The following UNC79 variants were observed in gnomAD, a reference collection of about 807,000 sequenced individuals.
The protein encoded by UNC79 is unc-79 subunit of NALCN channel complex.
In UNC79, 37 loss-of-function variants were observed where a neutral mutation model predicts 283.1. The observed-to-expected ratio is 0.13, with a 90% confidence interval of 0.10 to 0.17. The LOEUF (loss-of-function observed/expected upper bound fraction) is 0.17. UNC79 is among the 10% of genes least tolerant of loss of function. The pLI is 1.00. For missense variants in UNC79, 2,272 were observed against 3,211.1 expected, an observed-to-expected ratio of 0.71 and a Z score of 7.07; for synonymous variants, 1,107 against 1,200.2, an observed-to-expected ratio of 0.92 and a Z score of 1.61.
At chr14:93,477,622 G>A in exon 4 of UNC79, 1 of 1,611,956 alleles carries the variant, frequency 6.2e-7, no homozygotes, top group Non-Finnish European at 8.5e-7. Context: ...ATGATATTCT[G>A]AGTACTTTGC....
chr14:93,577,953 C>T (rs1029562562), exon 18 of UNC79: 1 of 1,614,164 alleles, frequency 6.2e-7, no homozygotes, highest in South Asian at 1.1e-5. Flanking sequence ...GTTTCGTAGC[C>T]CTTTCAAGAA....
chr14:93,667,883 A>G (rs1318206246), intron 40 of UNC79, among the ~76,000 whole-genome samples: 2 of 152,190 alleles, frequency 1.3e-5, no homozygotes, highest in East Asian at 1.9e-4. Flanking sequence ...TAATATCACC[A>G]TGTTATCAGA....
chr14:93,698,694 C>T (rs1319463588), intron 47 of UNC79, among the ~76,000 whole-genome samples: 1 of 151,912 alleles, frequency 6.6e-6, no homozygotes, highest in African/African-American at 2.4e-5. Context: ...CCGTGTTGGC[C>T]AGGCTGGTCT....
intron 25 of UNC79, 126 bp from the exon 26 acceptor site, chr14:93,603,113 A>G (rs1010396743): frequency 2.7e-6 from 3 of 1,103,708 alleles, no homozygotes. Context: ...TCATAGAGGG[A>G]GATGTATATC....
At chr14:93,684,882 C>T (rs1407858289) in intron 42 of UNC79, among the ~76,000 whole-genome samples, 1 of 152,106 alleles carries the variant, frequency 6.6e-6, no homozygotes, top group Non-Finnish European at 1.5e-5. Context: ...ACTTTTTAAT[C>T]GTTAGTTTTC....
At chr14:93,379,144 C>T (rs1027644894) in intron 1 of UNC79, among the ~76,000 whole-genome samples, 1 of 152,154 alleles carries the variant, frequency 6.6e-6, no homozygotes. Flanking sequence ...ACTTCCAGCT[C>T]ACACCTGTAC....
intron 38 of UNC79, among the ~76,000 whole-genome samples, chr14:93,657,610 C>T (rs1474919928): frequency 1.3e-5 from 2 of 152,250 alleles, no homozygotes; most frequent in East Asian, 3.9e-4. Context: ...CTCGGCCTCC[C>T]AAAGTGCTGG....
At chr14:93,591,600 A>G (rs1049474161) in intron 22 of UNC79, among the ~76,000 whole-genome samples, 1 of 152,248 alleles carries the variant, frequency 6.6e-6, no homozygotes, top group African/African-American at 2.4e-5. Flanking sequence ...ATCTGTTTAC[A>G]AGATGAATTG....
chr14:93,419,057 C>G (rs1230224885), intron 1 of UNC79, among the ~76,000 whole-genome samples: 1 of 151,754 alleles, frequency 6.6e-6, no homozygotes, highest in Non-Finnish European at 1.5e-5. Flanking sequence ...CTGGCACTCC[C>G]TAGTGAGATG....
chr14:93,448,415 A>G (rs1282714206), intron 1 of UNC79, among the ~76,000 whole-genome samples: 2 of 152,090 alleles, frequency 1.3e-5, no homozygotes, highest in Non-Finnish European at 1.5e-5. Flanking sequence ...AGTTTCATGC[A>G]TTGAAAACAT....
intron 35 of UNC79, 53 bp from the exon 39 acceptor site, chr14:93,653,689 C>T (rs2070570586): frequency 6.6e-7 from 1 of 1,514,134 alleles, no homozygotes; most frequent in Non-Finnish European, 9.1e-7. Context: ...AATATCTGAA[C>T]ACCTGCTCAC....
At chr14:93,354,580 CT>C (rs1444825281) in intron 1 of UNC79, among the ~76,000 whole-genome samples, 1 of 152,228 alleles carries the variant, frequency 6.6e-6, no homozygotes, top group African/African-American at 2.4e-5. Flanking sequence ...TTACTGTACC[CT>C]TGACATCCTG....
intron 14 of UNC79, among the ~76,000 whole-genome samples, chr14:93,560,702 A>G (rs775550959): frequency 1.1e-4 from 16 of 152,196 alleles, no homozygotes; most frequent in Non-Finnish European, 2.2e-4. Context: ...GTGCCTGTCC[A>G]ATTAGCAGGT....
At chr14:93,549,572 C>T (rs1027909917) in intron 14 of UNC79, among the ~76,000 whole-genome samples, 1 of 152,100 alleles carries the variant, frequency 6.6e-6, no homozygotes, top group Non-Finnish European at 1.5e-5. Context: ...AAAATAAAAA[C>T]CTTAGACAAA....
intron 22 of UNC79, among the ~76,000 whole-genome samples, chr14:93,590,346 A>G (rs1407479933): frequency 6.6e-6 from 1 of 152,162 alleles, no homozygotes; most frequent in African/African-American, 2.4e-5. Context: ...GGGAGGAAGA[A>G]GCTGGGGAAA....
chr14:93,523,662 G>A lies in UNC79; in HGVS notation c.899-316G>A, dbSNP rs561944783. 4.6e-5 allele frequency among the ~76,000 whole-genome samples: 7 copies of A among 152,254 alleles called. No homozygotes were observed. In the South Asian group the frequency reaches 1.5e-3, roughly 32 times the overall value. On this transcript the variant is annotated intron_variant, in intron 7 of 48. Coordinates refer to ENST00000555664, the Ensembl canonical transcript of UNC79. ...TATGAAATGAGATTAATAATCTGCTGTACCTACCCTACAGAGTTGTTGGAG... is the reference window on the plus strand; with the variant it reads ...TATGAAATGAGATTAATAATCTGCTATACCTACCCTACAGAGTTGTTGGAG...
intron 14 of UNC79, among the ~76,000 whole-genome samples, chr14:93,569,581 A>G (rs950394338): frequency 2.6e-5 from 4 of 152,246 alleles, no homozygotes; most frequent in African/African-American, 9.6e-5. Flanking sequence ...TTCCAGGGAC[A>G]TATTTGCCTA....
Position 93,413,061 on chromosome 14 carries a change from T to C in UNC79, c.-350-54610T>C, listed in dbSNP as rs1396025613. ...TTTTATTATTATTATACTTTAAGTT[T>C]TACGGTACATGTGCACAATGTGCAG... is the stretch of plus-strand genomic sequence containing the variant. On this transcript the variant is annotated intron_variant, in intron 1 of 49. Transcript: ENST00000256339. Among the ~76,000 whole-genome samples the C allele has an allele frequency of 2.6e-5, 4 of 152,260 alleles. No homozygotes were observed. In the East Asian group the frequency reaches 7.7e-4, roughly 29 times the overall value.
At chr14:93,625,570 A>G (rs1046506461) in intron 30 of UNC79, among the ~76,000 whole-genome samples, 4 of 152,194 alleles carry the variant, frequency 2.6e-5, no homozygotes, top group Non-Finnish European at 5.9e-5. Context: ...ATTATTTGCC[A>G]ATAACTGCAA....
Sources: allele counts gnomAD v4.1 joint callset (sites outside exome capture counted in the v4.1 genomes callset), GRCh38; gene constraint gnomAD v4.1.1; transcripts MANE v1.5; gene names NCBI Gene and HGNC (gene_info 2026-07-23, HGNC 2026-07-21).